The following RGS5 variants were observed in gnomAD, a reference collection of about 807,000 sequenced individuals.
RGS5 encodes the protein regulator of G-protein signalling 5.
A neutral mutation model predicts 18.9 loss-of-function variants in RGS5; 20 were observed. The observed-to-expected ratio is 1.06, with a 90% CI of 0.74 to 1.54. The LOEUF (loss-of-function observed/expected upper bound fraction) is 1.54, where lower values mean the gene tolerates loss of function less well. RGS5 is among the 40% of genes most tolerant of loss of function. The pLI is 0.00. For synonymous variants in RGS5, 57 were observed against 76.2 expected (o/e 0.75, Z 1.31); for missense variants, 201 against 211.8 (o/e 0.95, Z 0.32).
At chr1:163,263,487 C>T (rs759234948) in intron 2 of RGS5, among the ~76,000 whole-genome samples, 3 of 152,094 alleles carry the variant, frequency 2.0e-5, no homozygotes, top group Non-Finnish European at 2.9e-5. Flanking sequence ...TTAACACCTG[C>T]CATATTCTAA....
At chr1:163,208,346 T>A (rs1421827158) in intron 1 of RGS5, among the ~76,000 whole-genome samples, 6 of 3,552 alleles carry the variant, frequency 1.7e-3, no homozygotes, top group Non-Finnish European at 2.8e-3. Flanking sequence ...AGACTCCGTC[T>A]CAAAAAAAAA....
chr1:163,310,216 C>A (rs1649816970), intron 1 of RGS5, among the ~76,000 whole-genome samples: 1 of 152,196 alleles, frequency 6.6e-6, no homozygotes, highest in South Asian at 2.1e-4. Flanking sequence ...TCACCAGTTG[C>A]ATTATCCCCT....
intron 2 of RGS5, among the ~76,000 whole-genome samples, chr1:163,277,952 T>G (rs1648898086): frequency 6.6e-6 from 1 of 151,914 alleles, no homozygotes; most frequent in Non-Finnish European, 1.5e-5. Flanking sequence ...TGAAGAGAGA[T>G]CTTTTGAAAT....
intron 2 of RGS5, among the ~76,000 whole-genome samples, chr1:163,263,093 A>G (rs1648493075): frequency 6.6e-6 from 1 of 152,190 alleles, no homozygotes; most frequent in African/African-American, 2.4e-5. Context: ...TGGGCTTTAT[A>G]GCTTAAACCC....
At chr1:163,248,008 A>C (rs748887163) in intron 2 of RGS5, among the ~76,000 whole-genome samples, 3 of 152,232 alleles carry the variant, frequency 2.0e-5, no homozygotes, top group Non-Finnish European at 4.4e-5. Flanking sequence ...GAAAAGAAAC[A>C]TTAGACACAA....
chr1:163,283,677 C>T (rs1174883626), intron 2 of RGS5, among the ~76,000 whole-genome samples: 1 of 152,146 alleles, frequency 6.6e-6, no homozygotes, highest in Non-Finnish European at 1.5e-5. Context: ...AGCAGGCTCA[C>T]TCTAGAGACT....
chr1:163,185,251 A>C lies in RGS5; in HGVS notation c.45-16883T>G, dbSNP rs147420151. The stretch of plus-strand genomic sequence containing the variant: ...AGGGGTGTGAGTGGGCTTCATTTTT[A>C]TGGCTATGTTACCTATGAATTATTC... On this transcript the variant is annotated intron_variant, in intron 1 of 4. Transcript: ENST00000313961. Among the ~76,000 whole-genome samples the C allele has an allele frequency of 2.0e-3, 298 of 152,062 alleles. 6 individuals carry two copies. In the Middle Eastern group the frequency reaches 0.024, roughly 12 times the overall value.
intron 2 of RGS5, among the ~76,000 whole-genome samples, chr1:163,265,242 T>A (rs919370164): frequency 3.3e-5 from 5 of 152,100 alleles, no homozygotes; most frequent in Non-Finnish European, 5.9e-5. Context: ...CTTAAGTTCA[T>A]AGGGGGAAAA....
intron 1 of RGS5, among the ~76,000 whole-genome samples, chr1:163,313,915 G>T (rs999563953): frequency 6.6e-6 from 1 of 151,876 alleles, no homozygotes; most frequent in Non-Finnish European, 1.5e-5. Context: ...TAATTACTTG[G>T]GTTCAACTTT....
chr1:163,193,310 C>G (rs1325092244), intron 1 of RGS5, among the ~76,000 whole-genome samples: 2 of 152,124 alleles, frequency 1.3e-5, no homozygotes, highest in Admixed American at 6.6e-5. Flanking sequence ...ATGAAACCAA[C>G]ATGGTCATCA....
chr1:163,235,462 G>A (rs1647598420), intron 2 of RGS5, among the ~76,000 whole-genome samples: 1 of 152,156 alleles, frequency 6.6e-6, no homozygotes, highest in Non-Finnish European at 1.5e-5. Flanking sequence ...CTCCAGCCAC[G>A]GACATGTTGC....
chr1:163,238,658 G>T, intron 2 of RGS5: 1 of 269,948 alleles, frequency 3.7e-6, no homozygotes. Context: ...GATTTGGGTG[G>T]AACTGAAAAA....
intron 2 of RGS5, among the ~76,000 whole-genome samples, chr1:163,163,344 T>C (rs1228106828): frequency 6.6e-6 from 1 of 152,212 alleles, no homozygotes; most frequent in Non-Finnish European, 1.5e-5. Flanking sequence ...GAAATAATCT[T>C]GGGTGATTTC....
At chr1:163,153,341 C>T (rs1340424834) in intron 3 of RGS5, among the ~76,000 whole-genome samples, 1 of 151,972 alleles carries the variant, frequency 6.6e-6, no homozygotes, top group Non-Finnish European at 1.5e-5. Flanking sequence ...AACATTTACA[C>T]GATGAAAGGA....
chr1:163,236,011 G>T (rs1382551908), intron 2 of RGS5, among the ~76,000 whole-genome samples: 13 of 152,084 alleles, frequency 8.5e-5, no homozygotes, highest in Admixed American at 8.5e-4. Context: ...CCCTTGATTT[G>T]ATCTAGATTC....
chr1:163,203,552 A>G (rs1386509554), upstream of RGS5, among the ~76,000 whole-genome samples: 2 of 152,184 alleles, frequency 1.3e-5, no homozygotes, highest in Admixed American at 6.5e-5. Context: ...GTTTATATAA[A>G]TCAAAACAAA....
At chr1:163,247,849 A>G (rs1264808737) in intron 2 of RGS5, among the ~76,000 whole-genome samples, 1 of 152,166 alleles carries the variant, frequency 6.6e-6, no homozygotes. Context: ...CTACTCTTAC[A>G]GCCTAGCATA....
At chr1:163,165,896 A>G (rs1658022376) in intron 2 of RGS5, among the ~76,000 whole-genome samples, 1 of 121,744 alleles carries the variant, frequency 8.2e-6, no homozygotes, top group Non-Finnish European at 1.7e-5. Context: ...AAAGAGCGAA[A>G]TTCCGTCTCA....
intron 1 of RGS5, among the ~76,000 whole-genome samples, chr1:163,174,013 T>C (rs865795580): frequency 3.9e-5 from 6 of 151,936 alleles, no homozygotes; most frequent in East Asian, 1.9e-4. Flanking sequence ...GAGGTGGAGG[T>C]TGCAGTAAGC....
Sources: gnomAD v4.1 joint callset for allele counts (sites outside exome capture counted in the v4.1 genomes callset) on GRCh38, gnomAD v4.1.1 for gene constraint, MANE v1.5 for transcripts, NCBI Gene and HGNC (gene_info 2026-07-23, HGNC 2026-07-21) for gene names.